Variants in PRR12 observed in about 807,000 individuals in gnomAD.
The protein encoded by PRR12 is proline rich 12.
PRR12 carries 12 observed loss-of-function variants against 138.0 expected under a neutral mutation model. The ratio of observed to expected loss-of-function variants is 0.09; its 90% CI spans 0.06 to 0.14. The LOEUF is 0.14. Among genes scored for constraint, PRR12 ranks in the 10% least tolerant of loss-of-function variants. The probability of loss-of-function intolerance (pLI) is 1.00; values close to 1 mark genes in which losing one functional copy is unlikely to be tolerated. For missense variants in PRR12, 2,692 were observed against 2,861.3 expected, an observed-to-expected ratio of 0.94 and a Z score of 1.35; for synonymous variants, 1,567 against 1,291.7, an observed-to-expected ratio of 1.21 and a Z score of -4.57.
rs755586522 is a variant in PRR12, at chr19:49,598,035, T to C, written c.3678+22T>C. The C allele has an allele frequency of 9.1e-6, 12 of 1,316,298 alleles. No homozygotes were observed. In the Admixed American group the frequency reaches 3.1e-4, roughly 34 times the overall value. The allele number at this position is 1,316,298 out of a possible 1,614,324, so 81.5% of individuals were successfully genotyped here. A position where few individuals can be genotyped will look rare whatever the true frequency, so the allele number is the denominator to read the frequency against. On this transcript the variant is annotated intron_variant, in intron 4 of 13. Coordinates refer to ENST00000418929, the MANE Select transcript of PRR12 (RefSeq NM_020719.3). ...TAAGGTGAGGGGAAATGGGGTCTTG[T>C]AGGGGATAGGGGAGGAGGAGCTGTG...
chr19:49,603,890 G>A (rs1235435765), intron 6 of PRR12, among the ~76,000 whole-genome samples: 5 of 151,246 alleles, frequency 3.3e-5, no homozygotes, highest in Non-Finnish European at 5.9e-5. Flanking sequence ...ACGCAATCTC[G>A]GCTTACTGCA....
intron 6 of PRR12, among the ~76,000 whole-genome samples, chr19:49,606,456 C>T (rs762643120): frequency 3.3e-5 from 5 of 151,488 alleles, no homozygotes; most frequent in Non-Finnish European, 5.9e-5. Context: ...GGATTACAGG[C>T]GCGTGCCACC....
intron 6 of PRR12, among the ~76,000 whole-genome samples, chr19:49,603,178 C>G (rs1008039819): frequency 2.0e-5 from 3 of 152,192 alleles, no homozygotes; most frequent in African/African-American, 7.2e-5. Context: ...AGAGTTGGAT[C>G]AGAGGATTAA....
At position 49,601,697 on chromosome 19, in the gene PRR12, C is replaced by T. The variant is rs1482691322; in HGVS notation, c.4552C>T (p.Pro1518Ser). ...GCCCTCGCCTCCACCACCACCCCCA[C>T]CAGCCGCTGCCCCACTGGCTGCTCC... The part of the protein sequence containing the change: ...AMPSPPPPPP[P>S]AAAPLAAPPE... The change falls in exon 6 of 14, where the codon CCA (proline) becomes TCA (serine). Residue 1518 changes from proline to serine, a missense_variant. Pro to Ser is a moderately conservative substitution (Grantham distance 74, BLOSUM62 -1). Coordinates refer to ENST00000418929, the MANE Select transcript of PRR12 (RefSeq NM_020719.3). 3.2e-6 allele frequency: 5 copies of T among 1,540,080 alleles called. No homozygotes were observed. The Admixed American group carries it at 9.8e-5, about 30-fold the overall frequency.
intron 6 of PRR12, among the ~76,000 whole-genome samples, chr19:49,610,037 C>T (rs1419726749): frequency 6.6e-6 from 1 of 151,588 alleles, no homozygotes; most frequent in African/African-American, 2.4e-5. Flanking sequence ...TGCGATGGCG[C>T]GATCTCGGCT....
rs2080951707 is a variant in PRR12 at position 49,625,735 on chromosome 19, T to C, written c.*128T>C. On this transcript the variant is annotated 3_prime_UTR_variant, in exon 14 of 14. Transcript: ENST00000418929. The surrounding 1 kb of genome is among the most constrained non-coding windows in gnomAD (Gnocchi z 5.5). The stretch of plus-strand genomic sequence containing the variant: ...GGGGTCATGGGTCAGGGTGTGTCTG[T>C]GCTGCCCCCTCCAGGGCAGGGTTCA... 3 of 1,268,414 alleles carry C rather than the reference T, an allele frequency of 2.4e-6. No individual in the cohort carries two copies. The South Asian group carries it at 5.4e-5, about 23-fold the overall frequency. 78.6% of individuals were successfully genotyped at this position (1,268,414 alleles called of 1,614,324 possible). A position where few individuals can be genotyped will look rare whatever the true frequency, so the allele number is the denominator to read the frequency against.
At chr19:49,602,023 G>T in intron 6 of PRR12, 105 bp downstream of exon 6, 3 of 1,400,254 alleles carry the variant, frequency 2.1e-6, no homozygotes, top group Non-Finnish European at 1.9e-6. Context: ...AGATCCAGTC[G>T]TGGCCGGGCC....
intron 4 of PRR12, among the ~76,000 whole-genome samples, 161 bp downstream of exon 4, chr19:49,598,174 C>T (rs150778991): frequency 0.052 from 7,843 of 151,630 alleles, 226 homozygotes; most frequent in South Asian, 0.12. Flanking sequence ...CCCGGGTTCA[C>T]GCCATTCTCC....
At chr19:49,603,062 T>C (rs2080820575) in intron 6 of PRR12, among the ~76,000 whole-genome samples, 1 of 152,266 alleles carries the variant, frequency 6.6e-6, no homozygotes, top group Non-Finnish European at 1.5e-5. Context: ...TTTTCCCATA[T>C]GGCAGAGAGC....
rs2080810777 is a variant in PRR12 at position 49,601,598 on chromosome 19, C to T, written c.4453C>T (p.Pro1485Ser). The T allele has an allele frequency of 3.9e-6, 6 of 1,544,268 alleles. No homozygotes were observed. The highest frequency in any genetic ancestry group is 5.2e-6 in the Non-Finnish European group (6 of 1,145,004). Reference protein sequence around the residue: ...PPPPQPALPSPPPLVAPTPSS... With the variant: ...PPPPQPALPSSPPLVAPTPSS... ...GCCGCCACAGCCAGCCCTGCCCTCG[C>T]CACCCCCGCTGGTGGCCCCCACGCC... The change falls in exon 6 of 14, where the codon CCA becomes TCA. Residue 1485 changes from proline (P) to serine (S), a missense_variant. This residue lies in a region of PRR12 where 231 missense variants were observed against 200.8 expected (regional missense o/e 1.15). Coordinates refer to ENST00000418929, the MANE Select transcript of PRR12 (RefSeq NM_020719.3).
intron 11 of PRR12, among the ~76,000 whole-genome samples, chr19:49,621,953 A>G (rs1464802527): frequency 1.3e-5 from 2 of 152,140 alleles, no homozygotes; most frequent in Non-Finnish European, 2.9e-5. Flanking sequence ...TTGTGAGTCC[A>G]ATGCAGGCTA....
chr19:49,605,263 C>A (rs1342908779), intron 6 of PRR12, among the ~76,000 whole-genome samples: 2 of 151,914 alleles, frequency 1.3e-5, no homozygotes, highest in South Asian at 2.1e-4. Context: ...AATCCGTATT[C>A]TTTTTTTTGT....
intron 9 of PRR12, among the ~76,000 whole-genome samples, chr19:49,619,978 G>A (rs1284612348): frequency 6.7e-6 from 1 of 148,180 alleles, no homozygotes; most frequent in Non-Finnish European, 1.5e-5. Context: ...TCAGCCTTCC[G>A]AGTAGCTGGG....
At chr19:49,619,993 C>T (rs1411598673) in intron 9 of PRR12, among the ~76,000 whole-genome samples, 1 of 151,198 alleles carries the variant, frequency 6.6e-6, no homozygotes, top group African/African-American at 2.4e-5. Context: ...GCTGGGATTA[C>T]AGGCGTGTGC....
chr19:49,592,178 C>T (rs1380187309), intron 1 of PRR12, among the ~76,000 whole-genome samples: 1 of 152,164 alleles, frequency 6.6e-6, no homozygotes, highest in Non-Finnish European at 1.5e-5. Flanking sequence ...TCCTATTGTT[C>T]CGGGACTGTG....
At position 49,597,552 on chromosome 19, in the gene PRR12, C is replaced by T; in HGVS notation, c.3217C>T (p.Leu1073Phe). The T allele has an allele frequency of 6.3e-7, 1 of 1,587,696 alleles. No homozygotes were observed. ...IFCSTKPKKL[L>F]KTSSFHLLRR... ...CTGCTCTACCAAGCCAAAGAAGCTG[C>T]TCAAGACATCCTCCTTCCACCTGCT... Residue 1073 changes from leucine (L) to phenylalanine (F), a missense_variant, in exon 4 of 14, where the codon CTC (leucine) becomes TTC (phenylalanine). This residue lies in a region of PRR12 where 840 missense variants were observed against 689.8 expected (regional missense o/e 1.22). Transcript: ENST00000418929. The surrounding 1 kb of genome is among the most constrained non-coding windows in gnomAD (Gnocchi z 6.3).
At chr19:49,605,410 G>T in intron 6 of PRR12, among the ~76,000 whole-genome samples, 1 of 151,582 alleles carries the variant, frequency 6.6e-6, no homozygotes, top group African/African-American at 2.4e-5. Context: ...TTACAGGCAT[G>T]TGCCACCATG....
chr19:49,621,595 G>A lies in PRR12; in HGVS notation c.5694G>A (p.Lys1898=). 1.2e-6 allele frequency: 2 copies of A among 1,600,610 alleles called. No individual in the cohort carries two copies. The highest frequency in any genetic ancestry group is 1.7e-6 in the Non-Finnish European group (2 of 1,174,082). Residue 1898 remains lysine (K), a synonymous_variant, in exon 11 of 14, where the codon AAG becomes AAA. Transcript: ENST00000418929. The stretch of plus-strand genomic sequence containing the variant: ...ATGAGCACAAGAAGAAAGTCCTGAA[G>A]CGGCTGTCGCTAAGCCCAGCCCTGC... ...LLNEHKKKVL[K]RLSLSPALQD...
chr19:49,603,428 C>G (rs563217205), intron 6 of PRR12, among the ~76,000 whole-genome samples: 1 of 152,344 alleles, frequency 6.6e-6, no homozygotes, highest in South Asian at 2.1e-4. Context: ...TGGCGGTTCA[C>G]GCCTGTAATC....
Sources: gnomAD v4.1 joint callset for allele counts (sites outside exome capture counted in the v4.1 genomes callset) on GRCh38, gnomAD v4.1.1 for gene constraint, gnomAD v4.1.1 regional missense constraint, Gnocchi (gnomAD v3.1) non-coding constraint, MANE v1.5 for transcripts, NCBI Gene and HGNC (gene_info 2026-07-23, HGNC 2026-07-21) for gene names.